The following ZFPM2 variants were observed in gnomAD, a reference collection of about 807,000 sequenced individuals.
ZFPM2 encodes zinc finger protein, FOG family member 2.
In ZFPM2, 20 loss-of-function variants were observed where a neutral mutation model predicts 98.6. The ratio of observed to expected loss-of-function variants is 0.20; its 90% CI spans 0.14 to 0.29. ZFPM2 has a LOEUF of 0.29. Ranked by LOEUF, ZFPM2 falls within the 10% of genes least tolerant of loss-of-function variation. ZFPM2 has a pLI of 1.00. For synonymous variants in ZFPM2, 518 were observed against 502.7 expected (o/e 1.03, Z -0.41); for missense variants, 1,310 against 1,388.6 (o/e 0.94, Z 0.90).
At chr8:105,351,962 C>T (rs558411366) in intron 1 of ZFPM2, among the ~76,000 whole-genome samples, 2 of 152,104 alleles carry the variant, frequency 1.3e-5, no homozygotes, top group Non-Finnish European at 2.9e-5. Context: ...GTTAGAAATG[C>T]ACATTACTGA....
chr8:105,675,438 G>T (rs1563516535), intron 5 of ZFPM2, among the ~76,000 whole-genome samples: 2 of 152,196 alleles, frequency 1.3e-5, no homozygotes, highest in Non-Finnish European at 2.9e-5. Context: ...TGAAGGCCAG[G>T]AATTCACTCC....
intron 1 of ZFPM2, among the ~76,000 whole-genome samples, chr8:105,352,355 A>G (rs1812665074): frequency 6.6e-6 from 1 of 152,210 alleles, no homozygotes; most frequent in Admixed American, 6.5e-5. Flanking sequence ...ATACACAATA[A>G]CAATATCAAT....
At chr8:105,745,267 G>A (rs1177405336) in intron 5 of ZFPM2, among the ~76,000 whole-genome samples, 1 of 152,044 alleles carries the variant, frequency 6.6e-6, no homozygotes, top group African/African-American at 2.4e-5. Flanking sequence ...CTCAATAAAT[G>A]TTTGTTGAAT....
At chr8:105,467,736 C>T (rs1253468398) in intron 3 of ZFPM2, among the ~76,000 whole-genome samples, 1 of 152,040 alleles carries the variant, frequency 6.6e-6, no homozygotes, top group African/African-American at 2.4e-5. Flanking sequence ...GATACACATA[C>T]ACATACACAC....
chr8:105,551,899 TACAA>T (rs1238815627), intron 3 of ZFPM2, among the ~76,000 whole-genome samples: 5 of 152,100 alleles, frequency 3.3e-5, no homozygotes, highest in African/African-American at 1.2e-4. Flanking sequence ...CTAGCACGTC[TACAA>T]ACAAACAAGT....
intron 3 of ZFPM2, among the ~76,000 whole-genome samples, chr8:105,511,829 C>G (rs1813824017): frequency 6.6e-6 from 1 of 152,172 alleles, no homozygotes; most frequent in African/African-American, 2.4e-5. Context: ...AGTTATGGTA[C>G]TCAAGAGTGA....
At chr8:105,679,102 A>G (rs1810540188) in intron 5 of ZFPM2, 1 of 152,228 alleles carries the variant, frequency 6.6e-6, no homozygotes, top group African/African-American at 2.4e-5. Context: ...TATGTACAAC[A>G]GAGGAGATGA....
intron 5 of ZFPM2, among the ~76,000 whole-genome samples, chr8:105,747,962 A>G (rs1308935396): frequency 1.3e-5 from 2 of 152,088 alleles, no homozygotes; most frequent in Admixed American, 6.6e-5. Flanking sequence ...GTTTACTTCA[A>G]TGTATGTAGC....
intron 1 of ZFPM2, among the ~76,000 whole-genome samples, chr8:105,349,308 TG>T (rs2129702470): frequency 6.6e-6 from 1 of 152,288 alleles, no homozygotes; most frequent in South Asian, 2.1e-4. Flanking sequence ...CTCAAAGGAA[TG>T]GCCTGGACTT....
chr8:105,330,633 C>CACATATATATATACAT lies in ZFPM2; in HGVS notation c.40+11653_40+11654insCATATATATATACATA, dbSNP rs1563607071. 3.7e-3 allele frequency among the ~76,000 whole-genome samples: 312 copies of CACATATATATATACAT among 85,316 alleles called. 1 individual carries two copies. The highest frequency in any genetic ancestry group is 5.6e-3 in the Non-Finnish European group (240 of 42,702). The allele number at this position is 85,316 out of a possible 152,430, so 56.0% of individuals were successfully genotyped here. On this transcript the variant is annotated intron_variant, in intron 1 of 7. Transcript: ENST00000407775. ...ATACACATATATATATATATATATA[C>CACATATATATATACAT]ATATATATATATATATTTTTCAGGA...
At chr8:105,640,268 T>G (rs1171944213) in intron 5 of ZFPM2, among the ~76,000 whole-genome samples, 1 of 152,002 alleles carries the variant, frequency 6.6e-6, no homozygotes, top group Non-Finnish European at 1.5e-5. Context: ...GGTTATTGCC[T>G]TTCTTTGCAA....
rs899408161 is a variant in ZFPM2 at position 105,629,042 on chromosome 8, G to C, written c.421-5204G>C. Among the ~76,000 whole-genome samples, 52 of 152,180 alleles carry C rather than the reference G, an allele frequency of 3.4e-4. 1 individual carries two copies. On this transcript the variant is annotated intron_variant, in intron 4 of 7. Transcript: ENST00000407775. ...CTGCCTGTATGCTGCTGTGGGGCCTGCATGGAGTTCATTCCTGCCGGCACT... is the reference window on the plus strand; with the variant it reads ...CTGCCTGTATGCTGCTGTGGGGCCTCCATGGAGTTCATTCCTGCCGGCACT...
chr8:105,326,457 T>A (rs573898015), intron 1 of ZFPM2, among the ~76,000 whole-genome samples: 21 of 151,874 alleles, frequency 1.4e-4, no homozygotes, highest in African/African-American at 4.1e-4. Flanking sequence ...GAACTCTATA[T>A]GCAGCTTACA....
chr8:105,638,868 A>C (rs1384117294), intron 5 of ZFPM2, among the ~76,000 whole-genome samples: 1 of 152,092 alleles, frequency 6.6e-6, no homozygotes, highest in Non-Finnish European at 1.5e-5. Flanking sequence ...TTGTTTTATA[A>C]AAATTTTTAA....
At chr8:105,526,175 TC>T (rs1364721373) in intron 3 of ZFPM2, among the ~76,000 whole-genome samples, 1 of 152,112 alleles carries the variant, frequency 6.6e-6, no homozygotes, top group Non-Finnish European at 1.5e-5. Context: ...ATAATTTTTT[TC>T]CCCCTTTCTC....
At chr8:105,353,979 T>A (rs1466693625) in intron 1 of ZFPM2, among the ~76,000 whole-genome samples, 1 of 151,998 alleles carries the variant, frequency 6.6e-6, no homozygotes, top group Non-Finnish European at 1.5e-5. Flanking sequence ...TTCTAAGGAG[T>A]ATGACCACCC....
At chr8:105,756,639 T>C (rs747157971) in intron 5 of ZFPM2, among the ~76,000 whole-genome samples, 17 of 152,168 alleles carry the variant, frequency 1.1e-4, no homozygotes, top group Non-Finnish European at 1.6e-4. Context: ...AATTCTGAAA[T>C]ATATGAAAAC....
intron 3 of ZFPM2, among the ~76,000 whole-genome samples, chr8:105,543,935 A>G (rs1280782897): frequency 6.6e-6 from 1 of 152,188 alleles, no homozygotes; most frequent in Non-Finnish European, 1.5e-5. Flanking sequence ...CGCATGCTAC[A>G]GTGCTGTAGA....
intron 3 of ZFPM2, 35 bp downstream of exon 3, chr8:105,444,416 G>A (rs375906533): frequency 2.4e-5 from 36 of 1,503,736 alleles, no homozygotes; most frequent in Non-Finnish European, 2.7e-5. Context: ...ACCGTCTTTA[G>A]TACTGTTAGA....
Sources: allele counts gnomAD v4.1 joint callset (sites outside exome capture counted in the v4.1 genomes callset), GRCh38; gene constraint gnomAD v4.1.1; transcripts MANE v1.5; gene names NCBI Gene and HGNC (gene_info 2026-07-23, HGNC 2026-07-21).